TNS1: variants seen among roughly 807,000 people sequenced by gnomAD.
TNS1 encodes the protein tensin-1.
In TNS1, 62 loss-of-function variants were observed where a neutral mutation model predicts 168.6. The ratio of observed to expected loss-of-function variants is 0.37; its 90% CI spans 0.30 to 0.45. The LOEUF (loss-of-function observed/expected upper bound fraction) is 0.45, where lower values mean the gene tolerates loss of function less well. Ranked by LOEUF, TNS1 falls within the 20% of genes least tolerant of loss-of-function variation. The pLI, the probability that TNS1 is intolerant of heterozygous loss-of-function variation, is 1.00. For missense variants in TNS1, 2,240 were observed against 2,339.4 expected (o/e 0.96, Z 0.88); for synonymous variants, 934 against 933.2 (o/e 1.00, Z -0.02).
chr2:217,937,202 C>CA (rs1956658729), intron 3 of TNS1: 1 of 366,742 alleles, frequency 2.7e-6, no homozygotes, highest in Non-Finnish European at 5.5e-6. Context: ...CTACTCCCCC[C>CA]ACTAGATCGT....
chr2:217,843,458 T>C (rs906075536), intron 19 of TNS1, among the ~76,000 whole-genome samples: 1 of 152,160 alleles, frequency 6.6e-6, no homozygotes, highest in African/African-American at 2.4e-5. Flanking sequence ...CCTCTTTAGC[T>C]ACCACTCTCT....
At chr2:217,866,026 T>C (rs950762792) in intron 18 of TNS1, among the ~76,000 whole-genome samples, 2 of 152,150 alleles carry the variant, frequency 1.3e-5, no homozygotes, top group African/African-American at 4.8e-5. Flanking sequence ...GAAAATCTAG[T>C]CCTGGCACCT....
chr2:217,853,229 G>A (rs938383929), intron 18 of TNS1, among the ~76,000 whole-genome samples: 8 of 152,204 alleles, frequency 5.3e-5, no homozygotes, highest in African/African-American at 1.9e-4. Context: ...GAGGACAGGA[G>A]TGAAATAAGG....
chr2:217,826,165 G>A (rs1417427761), intron 22 of TNS1, among the ~76,000 whole-genome samples: 1 of 152,150 alleles, frequency 6.6e-6, no homozygotes, highest in Non-Finnish European at 1.5e-5. Context: ...ATCATGGGGT[G>A]GAGATGAACG....
chr2:217,921,918 C>T (rs908410021), intron 3 of TNS1, among the ~76,000 whole-genome samples: 6 of 152,156 alleles, frequency 3.9e-5, no homozygotes, highest in Non-Finnish European at 7.3e-5. Context: ...TGCCTAAGGT[C>T]ACACAGCTGA....
chr2:217,990,832 G>A, intron 2 of TNS1, 110 bp downstream of exon 2: 1 of 429,964 alleles, frequency 2.3e-6, no homozygotes, highest in Non-Finnish European at 4.2e-6. Flanking sequence ...AAGGCGTCAG[G>A]TTGGGACCCC....
chr2:217,981,985 G>C (rs1958062372), intron 2 of TNS1, among the ~76,000 whole-genome samples: 1 of 152,176 alleles, frequency 6.6e-6, no homozygotes, highest in Non-Finnish European at 1.5e-5. Flanking sequence ...ACACTAAATA[G>C]GGCTGATTTA....
At chr2:217,917,827 CT>C (rs1203436290) in intron 4 of TNS1, among the ~76,000 whole-genome samples, 11 of 75,242 alleles carry the variant, frequency 1.5e-4, no homozygotes, top group African/African-American at 6.7e-4. Flanking sequence ...TGAGACTGTT[CT>C]CAAAAAAAAA....
At chr2:217,972,059 T>A (rs1957785113) in intron 3 of TNS1, among the ~76,000 whole-genome samples, 1 of 152,200 alleles carries the variant, frequency 6.6e-6, no homozygotes, top group Non-Finnish European at 1.5e-5. Flanking sequence ...GAATACAAAA[T>A]AATAAGTACA....
intron 19 of TNS1, among the ~76,000 whole-genome samples, chr2:217,845,570 C>T (rs191969317): frequency 1.3e-5 from 2 of 152,352 alleles, no homozygotes; most frequent in East Asian, 3.9e-4. Context: ...CATCCCTTCT[C>T]TTGAGTCACT....
intron 11 of TNS1, 91 bp from the exon 12 acceptor site, chr2:217,891,136 C>A: frequency 1.6e-6 from 2 of 1,256,304 alleles, no homozygotes; most frequent in Non-Finnish European, 2.3e-6. Flanking sequence ...ACCTGCAGAG[C>A]ACTCTGGCCA....
chr2:217,892,151 G>A (rs970001520), intron 11 of TNS1, among the ~76,000 whole-genome samples: 2 of 152,172 alleles, frequency 1.3e-5, no homozygotes, highest in African/African-American at 4.8e-5. Flanking sequence ...AGGCTGGAGT[G>A]CAGTGGCACC....
intron 22 of TNS1, among the ~76,000 whole-genome samples, chr2:217,828,441 G>C (rs541442706): frequency 1.3e-5 from 2 of 152,322 alleles, no homozygotes; most frequent in African/African-American, 4.8e-5. Flanking sequence ...CAGCCAATCG[G>C]CCCAGGGCCC....
rs762819345 is a variant in TNS1 at position 217,886,063 on chromosome 2, C to G, written c.1021G>C (p.Val341Leu). ...FLRIYQAMQP[V>L]YTSGIYNIPG... ...ACTTACTAGATGCCAGATGTGTACA[C>G]AGGTTGCATGGCCTGGTAGATGCGG... The change falls in exon 14 of 33, where the codon GTG becomes CTG. Residue 341 changes from valine to leucine, a missense_variant. Val to Leu is a conservative substitution (Grantham distance 32). Coordinates refer to ENST00000682258, the MANE Select transcript of TNS1 (RefSeq NM_001387777.1). 6.2e-7 allele frequency: 1 copy of G among 1,614,042 alleles called. No individual in the cohort carries two copies. Among genetic ancestry groups the G allele is most frequent in the Middle Eastern group, 1.7e-4 (1 of 6,060 alleles).
intron 19 of TNS1, chr2:217,842,013 T>C (rs989079021): frequency 1.4e-6 from 1 of 699,144 alleles, no homozygotes; most frequent in Non-Finnish European, 2.6e-6. Context: ...GTGGCCAACA[T>C]TGCCCCTGCC....
intron 17 of TNS1, 131 bp from the exon 18 acceptor site, chr2:217,881,145 T>C (rs1016084294): frequency 1.2e-5 from 8 of 648,396 alleles, no homozygotes; most frequent in Non-Finnish European, 2.2e-5. Context: ...TCTCATTTTC[T>C]TGAGCGTGGT....
At chr2:217,877,656 C>T (rs1186607890) in intron 18 of TNS1, among the ~76,000 whole-genome samples, 2 of 152,172 alleles carry the variant, frequency 1.3e-5, no homozygotes, top group East Asian at 3.9e-4. Context: ...AAGCTGTAAA[C>T]TTGAACTTGG....
intron 4 of TNS1, among the ~76,000 whole-genome samples, chr2:217,913,713 T>A (rs1022001909): frequency 1.3e-5 from 2 of 151,982 alleles, no homozygotes; most frequent in African/African-American, 4.8e-5. Context: ...AGTTCCCCAG[T>A]GTGGTTTGTG....
intron 18 of TNS1, among the ~76,000 whole-genome samples, chr2:217,873,723 C>T (rs959052438): frequency 4.6e-5 from 7 of 152,066 alleles, no homozygotes; most frequent in Non-Finnish European, 7.4e-5. Context: ...AAGGGAACAG[C>T]GAATGAAAGA....
Sources: allele counts gnomAD v4.1 joint callset (sites outside exome capture counted in the v4.1 genomes callset), GRCh38; gene constraint gnomAD v4.1.1; transcripts MANE v1.5; gene names NCBI Gene and HGNC (gene_info 2026-07-23, HGNC 2026-07-21).